The following KCNMA1 variants were observed in gnomAD, a reference collection of about 807,000 sequenced individuals.
KCNMA1 encodes potassium calcium-activated channel subfamily M alpha 1, also known as Calcium-activated potassium channel subunit alpha-1.
A neutral mutation model predicts 140.0 loss-of-function variants in KCNMA1; 29 were observed. That is an observed-to-expected ratio of 0.21 (90% CI 0.15 to 0.28). The LOEUF is 0.28. Among genes scored for constraint, KCNMA1 ranks in the 10% least tolerant of loss-of-function variants. The pLI is 1.00. For missense variants in KCNMA1, 880 were observed against 1,602.2 expected (o/e 0.55, Z 7.70); for synonymous variants, 612 against 611.9 (o/e 1.00, Z 0.00).
intron 19 of KCNMA1, among the ~76,000 whole-genome samples, chr10:76,972,019 C>T (rs985516725): frequency 4.0e-5 from 6 of 151,472 alleles, no homozygotes; most frequent in African/African-American, 1.5e-4. Context: ...TCGCACTTTC[C>T]CCATCTTAGA....
intron 1 of KCNMA1, among the ~76,000 whole-genome samples, chr10:77,445,059 C>A (rs552173680): frequency 6.6e-6 from 1 of 152,246 alleles, no homozygotes; most frequent in East Asian, 1.9e-4. Context: ...AAGGCTCACC[C>A]CAGACAGGGC....
intron 5 of KCNMA1, among the ~76,000 whole-genome samples, chr10:77,180,626 C>G (rs2098795647): frequency 6.6e-6 from 1 of 152,042 alleles, no homozygotes; most frequent in Non-Finnish European, 1.5e-5. Context: ...TCAGTGTTTC[C>G]TGCTTTCCCA....
intron 1 of KCNMA1, among the ~76,000 whole-genome samples, chr10:77,584,203 C>T (rs781365207): frequency 3.9e-5 from 6 of 152,180 alleles, no homozygotes; most frequent in Non-Finnish European, 7.3e-5. Context: ...TTTATAACCA[C>T]CCAACCACCT....
intron 3 of KCNMA1, among the ~76,000 whole-genome samples, chr10:77,187,253 T>C (rs2098874990): frequency 6.6e-6 from 1 of 152,162 alleles, no homozygotes; most frequent in South Asian, 2.1e-4. Context: ...TCAACATAAA[T>C]GGAAACAGGT....
rs184758687 is a variant in KCNMA1 at position 77,571,515 on chromosome 10, T to C, written c.378+65750A>G. The stretch of plus-strand genomic sequence containing the variant: ...TGATTACAAATTCTCACAGCAAACA[T>C]TGTTCCATCCTTTGGCAAGCCAAAG... On this transcript the variant is annotated intron_variant, in intron 1 of 27. Transcript: ENST00000286628. 1.9e-3 allele frequency among the ~76,000 whole-genome samples: 291 copies of C among 152,292 alleles called. 1 individual carries two copies. Among genetic ancestry groups the C allele is most frequent in the African/African-American group, 6.1e-3 (253 of 41,560 alleles).
At chr10:77,031,389 A>G (rs1010424739) in intron 15 of KCNMA1, among the ~76,000 whole-genome samples, 8 of 152,172 alleles carry the variant, frequency 5.3e-5, no homozygotes, top group Middle Eastern at 3.2e-3. Context: ...TTGTTCTCCA[A>G]TGTGCCACAG....
intron 2 of KCNMA1, among the ~76,000 whole-genome samples, chr10:77,279,832 A>T (rs1405298527): frequency 6.6e-6 from 1 of 152,122 alleles, no homozygotes; most frequent in African/African-American, 2.4e-5. Flanking sequence ...TCCCTGCACA[A>T]GTTCTTTCTT....
intron 5 of KCNMA1, among the ~76,000 whole-genome samples, chr10:77,128,685 A>C (rs2097792256): frequency 6.6e-6 from 1 of 152,204 alleles, no homozygotes; most frequent in African/African-American, 2.4e-5. Context: ...TTAGGCTGTC[A>C]CAACGACTCA....
At chr10:77,058,691 G>C (rs1337523467) in intron 14 of KCNMA1, among the ~76,000 whole-genome samples, 1 of 151,998 alleles carries the variant, frequency 6.6e-6, no homozygotes, top group Non-Finnish European at 1.5e-5. Context: ...TGTGAAATTA[G>C]AAAATATTGT....
chr10:77,502,701 C>A (rs2154545562), intron 1 of KCNMA1, among the ~76,000 whole-genome samples: 1 of 151,638 alleles, frequency 6.6e-6, no homozygotes, highest in East Asian at 1.9e-4. Context: ...ACTCACCCAC[C>A]CTTTGTCATC....
At chr10:77,365,296 G>T (rs1160286411) in intron 2 of KCNMA1, among the ~76,000 whole-genome samples, 3 of 152,148 alleles carry the variant, frequency 2.0e-5, no homozygotes, top group Non-Finnish European at 2.9e-5. Context: ...CCCAAGACAG[G>T]CAATGGCAAT....
intron 19 of KCNMA1, among the ~76,000 whole-genome samples, chr10:76,998,756 G>A (rs1263215735): frequency 2.0e-5 from 3 of 152,180 alleles, no homozygotes; most frequent in Admixed American, 6.5e-5. Flanking sequence ...CACCACCAGC[G>A]AGGGATGCCT....
At chr10:76,984,896 T>G (rs2080781369) in intron 19 of KCNMA1, among the ~76,000 whole-genome samples, 1 of 152,206 alleles carries the variant, frequency 6.6e-6, no homozygotes, top group Admixed American at 6.5e-5. Flanking sequence ...AGATATTTAT[T>G]TTAGAGAAAT....
chr10:77,080,916 T>C (rs1595519917), intron 12 of KCNMA1, among the ~76,000 whole-genome samples: 1 of 152,214 alleles, frequency 6.6e-6, no homozygotes, highest in Admixed American at 6.5e-5. Flanking sequence ...GCAGGGCTTT[T>C]AGGATGAGAT....
chr10:76,896,164 C>T (rs945773154), intron 25 of KCNMA1, among the ~76,000 whole-genome samples: 2 of 152,218 alleles, frequency 1.3e-5, no homozygotes, highest in African/African-American at 4.8e-5. Context: ...TTATCTGCAA[C>T]TCCATAAGGC....
chr10:76,875,137 T>C (rs1234667249), downstream of KCNMA1: 1 of 152,200 alleles, frequency 6.6e-6, no homozygotes, highest in African/African-American at 2.4e-5. Flanking sequence ...CCTCCAGTGA[T>C]TTCACAAATG....
chr10:77,548,628 AACAGCAC>A (rs1217891991), intron 1 of KCNMA1, among the ~76,000 whole-genome samples: 1 of 152,222 alleles, frequency 6.6e-6, no homozygotes, highest in Non-Finnish European at 1.5e-5. Context: ...TGATAGATCT[AACAGCAC>A]ACTGGGGATG....
At chr10:76,969,300 G>GGGAAGGAAGGAAGGAAGGGAGGAA (rs2075231724) in intron 20 of KCNMA1, among the ~76,000 whole-genome samples, 1 of 109,362 alleles carries the variant, frequency 9.1e-6, no homozygotes, top group African/African-American at 3.4e-5. Flanking sequence ...GAAGGAAGGA[G>GGGAAGGAAGGAAGGAAGGGAGGAA]GGAAGGAAGG....
At chr10:77,274,008 G>A (rs2154286608) in intron 2 of KCNMA1, among the ~76,000 whole-genome samples, 1 of 152,312 alleles carries the variant, frequency 6.6e-6, no homozygotes. Flanking sequence ...CTTCTCTTGA[G>A]CCTGGAAGGT....
Sources: allele counts gnomAD v4.1 joint callset (sites outside exome capture counted in the v4.1 genomes callset), GRCh38; gene constraint gnomAD v4.1.1; transcripts MANE v1.5; gene names NCBI Gene and HGNC (gene_info 2026-07-23, HGNC 2026-07-21).